Variants in LRRC4C observed in about 807,000 individuals in gnomAD.
LRRC4C encodes the protein leucine rich repeat containing 4C, also known as leucine-rich repeat-containing protein 4C.
In LRRC4C, 5 loss-of-function variants were observed where a neutral mutation model predicts 33.6. The ratio of observed to expected loss-of-function variants is 0.15; its 90% CI spans 0.08 to 0.31. The LOEUF (loss-of-function observed/expected upper bound fraction) is 0.31. LRRC4C is among the 10% of genes least tolerant of loss of function. LRRC4C has a pLI of 1.00. For synonymous variants in LRRC4C, 329 were observed against 302.0 expected, an observed-to-expected ratio of 1.09 and a Z score of -0.93; for missense variants, 560 against 796.7, an observed-to-expected ratio of 0.70 and a Z score of 3.58.
rs73475334 is a variant in LRRC4C, at chr11:40,747,904, A to T, written c.-406-99626T>A. 5.2e-3 allele frequency among the ~76,000 whole-genome samples: 787 copies of T among 152,276 alleles called. 11 individuals are homozygous for T. The highest frequency in any genetic ancestry group is 0.018 in the African/African-American group (764 of 41,576). On this transcript the variant is annotated intron_variant, in intron 2 of 6. Transcript: ENST00000528697. ...AGTGAGCAAAGTGTTTGTGACATACAAAACATCATAAAGTGACCAAATCTT... is the reference window on the plus strand; with the variant it reads ...AGTGAGCAAAGTGTTTGTGACATACTAAACATCATAAAGTGACCAAATCTT...
chr11:40,356,896 C>T (rs955730921), intron 3 of LRRC4C, among the ~76,000 whole-genome samples: 3 of 152,174 alleles, frequency 2.0e-5, no homozygotes, highest in Non-Finnish European at 4.4e-5. Context: ...TTTACACCAA[C>T]CATTAGAAGA....
intron 1 of LRRC4C, among the ~76,000 whole-genome samples, chr11:41,376,946 GA>G (rs1371712730): frequency 6.6e-6 from 1 of 152,046 alleles, no homozygotes; most frequent in Non-Finnish European, 1.5e-5. Flanking sequence ...ACTTTCAATG[GA>G]AAAATGTTAT....
intron 2 of LRRC4C, among the ~76,000 whole-genome samples, chr11:40,904,663 C>T (rs1001196229): frequency 6.6e-6 from 1 of 152,130 alleles, no homozygotes; most frequent in Non-Finnish European, 1.5e-5. Context: ...CCCATTCCCC[C>T]TCAAAAGGCA....
chr11:40,700,486 C>T (rs962314996), intron 2 of LRRC4C, among the ~76,000 whole-genome samples: 3 of 152,056 alleles, frequency 2.0e-5, no homozygotes, highest in African/African-American at 7.2e-5. Flanking sequence ...CTAAAGTTTG[C>T]AATGTAATTT....
chr11:40,481,487 T>A (rs1344996157), intron 3 of LRRC4C, among the ~76,000 whole-genome samples: 1 of 152,166 alleles, frequency 6.6e-6, no homozygotes, highest in African/African-American at 2.4e-5. Context: ...GACTGTTGAT[T>A]GTCAGGTGGA....
chr11:40,758,598 G>A (rs1384880186), intron 2 of LRRC4C, among the ~76,000 whole-genome samples: 3 of 151,958 alleles, frequency 2.0e-5, no homozygotes, highest in African/African-American at 7.2e-5. Context: ...CATTTAATAG[G>A]ATAGATCCCT....
intron 4 of LRRC4C, among the ~76,000 whole-genome samples, chr11:40,305,082 C>T (rs1281022295): frequency 6.6e-6 from 1 of 152,190 alleles, no homozygotes; most frequent in East Asian, 1.9e-4. Context: ...TAGCACTAGC[C>T]TCTCCAGGCA....
chr11:41,414,385 A>T (rs556558888), intron 1 of LRRC4C, among the ~76,000 whole-genome samples: 3 of 152,252 alleles, frequency 2.0e-5, no homozygotes, highest in Admixed American at 2.0e-4. Context: ...GCTCTCTTTT[A>T]TAGGTGGAGA....
At chr11:40,294,282 A>G (rs1440387326) in intron 4 of LRRC4C, among the ~76,000 whole-genome samples, 1 of 152,170 alleles carries the variant, frequency 6.6e-6, no homozygotes, top group Non-Finnish European at 1.5e-5. Flanking sequence ...GGGCAGAGCC[A>G]GAACAGCTGA....
At chr11:40,964,402 G>C (rs1240325525) in intron 1 of LRRC4C, among the ~76,000 whole-genome samples, 2 of 151,622 alleles carry the variant, frequency 1.3e-5, no homozygotes, top group Admixed American at 6.6e-5. Context: ...TAAGTTTTAG[G>C]CTACATGTGC....
intron 1 of LRRC4C, among the ~76,000 whole-genome samples, chr11:40,994,064 T>A (rs1592285894): frequency 6.6e-6 from 1 of 152,000 alleles, no homozygotes; most frequent in Admixed American, 6.6e-5. Flanking sequence ...TTTTTTTTTT[T>A]TTTTTAAGGA....
chr11:41,107,954 AGAGAAGGGAGAGGG>A (rs1421957131), intron 1 of LRRC4C, among the ~76,000 whole-genome samples: 3 of 110,600 alleles, frequency 2.7e-5, no homozygotes, highest in Non-Finnish European at 5.4e-5. Context: ...AGAAAAGAGA[AGAGAAGGGAGAGGG>A]GAGAGGGGAG....
rs144957319 is a variant in LRRC4C, at chr11:40,224,385, C to A, written c.-96+17134G>T. Among the ~76,000 whole-genome samples the A allele has an allele frequency of 3.0e-3, 453 of 152,310 alleles. 1 individual carries two copies. Among genetic ancestry groups the A allele is most frequent in the Middle Eastern group, 0.01 (3 of 294 alleles). On this transcript the variant is annotated intron_variant, in intron 5 of 6. Coordinates refer to ENST00000528697, the MANE Select transcript of LRRC4C (RefSeq NM_001258419.2). ...ATCTGTATATGCCCCAAATCCAATT[C>A]TTTCATTATTTGCCTGACTTTTTCA...
intron 5 of LRRC4C, among the ~76,000 whole-genome samples, chr11:40,214,450 T>C (rs1317018789): frequency 6.6e-6 from 1 of 152,148 alleles, no homozygotes; most frequent in East Asian, 1.9e-4. Context: ...CCTTTGACTT[T>C]GGGGTAGATT....
intron 2 of LRRC4C, among the ~76,000 whole-genome samples, chr11:40,747,487 C>T (rs1377925952): frequency 1.3e-5 from 2 of 151,734 alleles, no homozygotes; most frequent in African/African-American, 2.4e-5. Flanking sequence ...ATAAAGACAC[C>T]TCAAACATTA....
At chr11:40,618,915 C>T (rs1402686767) in intron 3 of LRRC4C, among the ~76,000 whole-genome samples, 1 of 151,642 alleles carries the variant, frequency 6.6e-6, no homozygotes, top group African/African-American at 2.4e-5. Flanking sequence ...GTCAACTGGA[C>T]CATAATTAGG....
chr11:41,447,088 TA>T (rs1955849061), intron 1 of LRRC4C, among the ~76,000 whole-genome samples: 1 of 152,154 alleles, frequency 6.6e-6, no homozygotes, highest in South Asian at 2.1e-4. Flanking sequence ...ATTTTTAGCA[TA>T]AAGCATGCTA....
At chr11:40,497,432 GA>G (rs1954522506) in intron 3 of LRRC4C, among the ~76,000 whole-genome samples, 1 of 151,668 alleles carries the variant, frequency 6.6e-6, no homozygotes, top group Non-Finnish European at 1.5e-5. Flanking sequence ...TATTTAAGTA[GA>G]AAAAATAAAC....
At chr11:40,590,211 G>C (rs147806604) in intron 3 of LRRC4C, among the ~76,000 whole-genome samples, 2 of 150,684 alleles carry the variant, frequency 1.3e-5, no homozygotes, top group African/African-American at 4.9e-5. Flanking sequence ...TTCCCTTCTC[G>C]CTTCATTTTC....
Sources: allele counts gnomAD v4.1 joint callset (sites outside exome capture counted in the v4.1 genomes callset), GRCh38; gene constraint gnomAD v4.1.1; transcripts MANE v1.5; gene names NCBI Gene and HGNC (gene_info 2026-07-23, HGNC 2026-07-21).